Variants in IL1RAPL1 observed in about 807,000 individuals in gnomAD.
The protein encoded by IL1RAPL1 is interleukin-1 receptor accessory protein-like 1.
In IL1RAPL1, 3 loss-of-function variants were observed where a neutral mutation model predicts 48.4. The ratio of observed to expected loss-of-function variants is 0.06; its 90% CI spans 0.03 to 0.16. IL1RAPL1 has a LOEUF of 0.16. Among genes scored for constraint, IL1RAPL1 ranks in the 10% least tolerant of loss-of-function variants. The pLI is 1.00. For missense variants in IL1RAPL1, 349 were observed against 530.6 expected, an observed-to-expected ratio of 0.66 and a Z score of 3.36; for synonymous variants, 185 against 187.7, an observed-to-expected ratio of 0.99 and a Z score of 0.12.
chrX:28,611,040 C>G (rs913890397), intron 1 of IL1RAPL1, among the ~76,000 whole-genome samples: 1 of 111,400 alleles, frequency 9.0e-6, no homozygotes, highest in South Asian at 3.9e-4. Flanking sequence ...CATGTTAGTT[C>G]AGAATGTTAC....
chrX:29,458,523 T>C (rs1414565130), intron 5 of IL1RAPL1, among the ~76,000 whole-genome samples: 1 of 111,608 alleles, frequency 9.0e-6, no homozygotes, highest in Non-Finnish European at 1.9e-5. Flanking sequence ...TCAAATCACA[T>C]TGAAGTAAAC....
At chrX:29,129,913 A>G (rs1011315129) in intron 2 of IL1RAPL1, among the ~76,000 whole-genome samples, 1 of 111,736 alleles carries the variant, frequency 8.9e-6, no homozygotes, top group African/African-American at 3.3e-5. Flanking sequence ...AAATTTTTAC[A>G]TAGCCAATGT....
In IL1RAPL1 at chrX:29,917,510, A is replaced by C. The variant is rs749331045; in HGVS notation, c.825A>C (p.Gly275=). The C allele has an allele frequency of 1.7e-6, 2 of 1,204,741 alleles. 1 individual carries two copies. Residue 275 remains glycine, a synonymous_variant, in exon 7 of 11, where the codon GGA becomes GGC. Transcript: ENST00000378993. ...GCAGAGCTTTCTTTGGGTACAGCGG[A>C]GATGTCAGTCCTTTAATTTACTGGA... ...LTCRAFFGYS[G]DVSPLIYWMK...
intron 6 of IL1RAPL1, among the ~76,000 whole-genome samples, chrX:29,775,295 T>C (rs1929168216): frequency 9.0e-6 from 1 of 111,459 alleles, no homozygotes; most frequent in Non-Finnish European, 1.9e-5. Flanking sequence ...CTCTGAGTTA[T>C]TAGAGGAGCA....
In IL1RAPL1 at chrX:28,723,067, G is replaced by T. The variant is rs183225136; in HGVS notation, c.-24-66253G>T. Among the ~76,000 whole-genome samples, 508 of 110,940 alleles carry T rather than the reference G, an allele frequency of 4.6e-3. 2 individuals are homozygous for T. The highest frequency in any genetic ancestry group is 5.6e-3 in the Non-Finnish European group (298 of 52,952). ...GTCTAAAATTCTCTTTTTTTGTTGT[G>T]TCTCTACCCGGCTTTGGTATCAGGA... On this transcript the variant is annotated intron_variant, in intron 1 of 10. Coordinates refer to ENST00000378993, the MANE Select transcript of IL1RAPL1 (RefSeq NM_014271.4).
At chrX:29,383,683 T>G (rs1053426852) in intron 3 of IL1RAPL1, among the ~76,000 whole-genome samples, 2 of 112,190 alleles carry the variant, frequency 1.8e-5, no homozygotes, top group Non-Finnish European at 3.8e-5. Context: ...TAATTCAGAT[T>G]AATGGATTTC....
chrX:29,386,618 C>T (rs1233111551), intron 3 of IL1RAPL1, among the ~76,000 whole-genome samples: 2 of 107,282 alleles, frequency 1.9e-5, no homozygotes, highest in Non-Finnish European at 3.8e-5. Context: ...TCTTGTCTCA[C>T]TGCAACCTCT....
intron 3 of IL1RAPL1, among the ~76,000 whole-genome samples, chrX:29,334,323 G>A (rs1217886157): frequency 2.2e-5 from 2 of 89,425 alleles, no homozygotes; most frequent in Non-Finnish European, 4.5e-5. Context: ...GCCGGGCGGG[G>A]GGCTGACCCC....
At chrX:29,844,445 A>G (rs904579230) in intron 6 of IL1RAPL1, among the ~76,000 whole-genome samples, 2 of 111,380 alleles carry the variant, frequency 1.8e-5, no homozygotes, top group Non-Finnish European at 3.8e-5. Flanking sequence ...GGCCCCCAAA[A>G]TATAGGTCCA....
intron 1 of IL1RAPL1, among the ~76,000 whole-genome samples, chrX:28,745,368 G>A (rs772598078): frequency 3.8e-4 from 42 of 111,765 alleles, no homozygotes; most frequent in African/African-American, 1.4e-3. Context: ...GTGGGATAGA[G>A]AAGAATCAAA....
chrX:29,345,253 G>T (rs775864815), intron 3 of IL1RAPL1, among the ~76,000 whole-genome samples: 1 of 111,764 alleles, frequency 8.9e-6, no homozygotes, highest in East Asian at 2.8e-4. Flanking sequence ...CTGCCAAATT[G>T]CCCTCCAAAT....
intron 6 of IL1RAPL1, among the ~76,000 whole-genome samples, chrX:29,803,501 A>C (rs1289762957): frequency 1.1e-5 from 1 of 93,053 alleles, no homozygotes; most frequent in African/African-American, 4.6e-5. Flanking sequence ...CTATGTATAC[A>C]TATGTGTATA....
At chrX:29,946,565 G>T (rs1933216651) in intron 9 of IL1RAPL1, among the ~76,000 whole-genome samples, 1 of 112,270 alleles carries the variant, frequency 8.9e-6, no homozygotes, top group Non-Finnish European at 1.9e-5. Flanking sequence ...AATTCTGCCA[G>T]AAAAATATTT....
intron 6 of IL1RAPL1, among the ~76,000 whole-genome samples, chrX:29,814,319 A>G (rs1930444779): frequency 9.0e-6 from 1 of 111,231 alleles, no homozygotes; most frequent in South Asian, 3.7e-4. Context: ...TTTGATTTGC[A>G]TTTCTCTGAT....
At chrX:29,109,944 C>T (rs967338954) in intron 2 of IL1RAPL1, among the ~76,000 whole-genome samples, 22 of 111,823 alleles carry the variant, frequency 2.0e-4, no homozygotes, top group Middle Eastern at 4.6e-3. Flanking sequence ...ATCCTTTTAA[C>T]GTTTCATGGA....
At chrX:29,375,538 A>G (rs1933611159) in intron 3 of IL1RAPL1, among the ~76,000 whole-genome samples, 1 of 111,291 alleles carries the variant, frequency 9.0e-6, no homozygotes, top group Non-Finnish European at 1.9e-5. Flanking sequence ...GATATGTTCT[A>G]GATACCTCTT....
At chrX:29,088,672 CAAAAAAAAAAAAAAA>C (rs1182451817) in intron 2 of IL1RAPL1, among the ~76,000 whole-genome samples, 1 of 32,885 alleles carries the variant, frequency 3.0e-5, no homozygotes. Context: ...CACTCCTTCT[CAAAAAAAAAAAAAAA>C]AAAAAAAAGA....
At chrX:28,735,428 A>C (rs375196248) in intron 1 of IL1RAPL1, among the ~76,000 whole-genome samples, 1 of 108,076 alleles carries the variant, frequency 9.3e-6, no homozygotes, top group African/African-American at 3.4e-5. Flanking sequence ...GCTCCAATCT[A>C]TAGAATATTT....
At position 29,363,752 on chromosome X, in the gene IL1RAPL1, G is replaced by A. The variant is rs148325364; in HGVS notation, c.363-32506G>A. Among the ~76,000 whole-genome samples the A allele has an allele frequency of 6.4e-3, 704 of 110,598 alleles. 8 individuals are homozygous for A. Among genetic ancestry groups the A allele is most frequent in the African/African-American group, 0.019 (561 of 30,177 alleles). On this transcript the variant is annotated intron_variant, in intron 3 of 10. Transcript: ENST00000378993. Reference sequence around the variant, plus strand: ...GAGCAGGAGCTAGCAGGGGAGTGCCGCACACTTTTAAATGACCAGATCTCG... The same window carrying A: ...GAGCAGGAGCTAGCAGGGGAGTGCCACACACTTTTAAATGACCAGATCTCG...
Sources: allele counts gnomAD v4.1 joint callset (sites outside exome capture counted in the v4.1 genomes callset), GRCh38; gene constraint gnomAD v4.1.1; transcripts MANE v1.5; gene names NCBI Gene and HGNC (gene_info 2026-07-23, HGNC 2026-07-21).